WIPF2: variants seen among roughly 807,000 people sequenced by gnomAD.
WIPF2 encodes the protein WAS/WASL-interacting protein family member 2.
In WIPF2, 23 loss-of-function variants were observed where a neutral mutation model predicts 38.8. That is an observed-to-expected ratio of 0.59 (90% CI 0.43 to 0.84). The LOEUF (loss-of-function observed/expected upper bound fraction) is 0.84, where lower values mean the gene tolerates loss of function less well. WIPF2 is among the 40% of genes least tolerant of loss of function. The probability of loss-of-function intolerance (pLI) is 0.00; values close to 1 mark genes in which losing one functional copy is unlikely to be tolerated. For synonymous variants in WIPF2, 210 were observed against 223.2 expected (o/e 0.94, Z 0.53); for missense variants, 574 against 580.5 (o/e 0.99, Z 0.11).
At chr17:40,236,760 C>A (rs1199382918) in intron 1 of WIPF2, among the ~76,000 whole-genome samples, 2 of 151,956 alleles carry the variant, frequency 1.3e-5, no homozygotes, top group Non-Finnish European at 2.9e-5. Context: ...AGGCGCCCAC[C>A]ATCACGGCCG....
chr17:40,221,359 C>T (rs1460481232), intron 1 of WIPF2, among the ~76,000 whole-genome samples: 1 of 152,016 alleles, frequency 6.6e-6, no homozygotes, highest in Non-Finnish European at 1.5e-5. Context: ...TTCTCTGTCC[C>T]TGCCTCTAAA....
chr17:40,266,176 T>G (rs1457798110), intron 5 of WIPF2, among the ~76,000 whole-genome samples: 1 of 145,288 alleles, frequency 6.9e-6, no homozygotes, highest in Admixed American at 7.2e-5. Flanking sequence ...AGGCAGAGGT[T>G]GCAGTGAGCC....
At chr17:40,228,344 C>G (rs931898474) in intron 1 of WIPF2, among the ~76,000 whole-genome samples, 2 of 152,114 alleles carry the variant, frequency 1.3e-5, no homozygotes, top group African/African-American at 4.8e-5. Context: ...CTGTTACTCC[C>G]TATCAGCAAT....
At chr17:40,272,647 C>T (rs1159369634) in intron 5 of WIPF2, among the ~76,000 whole-genome samples, 1 of 152,056 alleles carries the variant, frequency 6.6e-6, no homozygotes, top group Non-Finnish European at 1.5e-5. Flanking sequence ...TGGATTGAAC[C>T]TTGAAGGGTA....
chr17:40,225,115 C>T (rs1047697616), intron 1 of WIPF2, among the ~76,000 whole-genome samples: 1 of 152,056 alleles, frequency 6.6e-6, no homozygotes, highest in East Asian at 1.9e-4. Flanking sequence ...ACTGAATGTT[C>T]TTGCGGTCCT....
At chr17:40,225,988 T>A (rs1379517251) in intron 1 of WIPF2, among the ~76,000 whole-genome samples, 2 of 152,140 alleles carry the variant, frequency 1.3e-5, no homozygotes, top group Admixed American at 1.3e-4. Context: ...GGATTCAAAT[T>A]GAGTGCCATT....
intron 1 of WIPF2, among the ~76,000 whole-genome samples, chr17:40,251,212 C>T (rs1347130321): frequency 1.3e-5 from 2 of 152,108 alleles, no homozygotes; most frequent in African/African-American, 4.8e-5. Flanking sequence ...CTGCGTCCAG[C>T]CTATTAGATT....
At chr17:40,255,952 C>T (rs1399048004) in intron 1 of WIPF2, among the ~76,000 whole-genome samples, 3 of 151,764 alleles carry the variant, frequency 2.0e-5, no homozygotes, top group Non-Finnish European at 2.9e-5. Flanking sequence ...ATTAGCTGGG[C>T]GTAATGACAT....
At chr17:40,267,970 C>T (rs2032143207) in intron 5 of WIPF2, among the ~76,000 whole-genome samples, 1 of 152,042 alleles carries the variant, frequency 6.6e-6, no homozygotes, top group Non-Finnish European at 1.5e-5. Context: ...TGGCAAAACC[C>T]TGTCTCTACA....
At chr17:40,251,070 C>T (rs74375354) in intron 1 of WIPF2, among the ~76,000 whole-genome samples, 15,854 of 151,912 alleles carry the variant, frequency 0.1, 964 homozygotes, top group East Asian at 0.3. Flanking sequence ...CCCGCCACCA[C>T]GCCCAGCTAA....
intron 1 of WIPF2, 53 bp from the exon 2 acceptor site, chr17:40,256,338 C>T: frequency 6.9e-7 from 1 of 1,441,422 alleles, no homozygotes; most frequent in Non-Finnish European, 9.3e-7. Flanking sequence ...TTCTCCTGGG[C>T]ACTTGTATCT....
At chr17:40,228,659 C>T (rs537224735) in intron 1 of WIPF2, among the ~76,000 whole-genome samples, 1 of 151,634 alleles carries the variant, frequency 6.6e-6, no homozygotes, top group African/African-American at 2.4e-5. Flanking sequence ...GACAGAGTCT[C>T]TCTCTGTCAC....
chr17:40,250,914 CTTTTTTTTTTTT>C (rs1020649049), intron 1 of WIPF2, among the ~76,000 whole-genome samples: 5 of 90,344 alleles, frequency 5.5e-5, no homozygotes, highest in Admixed American at 2.5e-4. Context: ...CTATTAGATT[CTTTTTTTTTTTT>C]TTTTTTTTTT....
At chr17:40,252,525 G>A (rs1289643799) in intron 1 of WIPF2, among the ~76,000 whole-genome samples, 1 of 152,000 alleles carries the variant, frequency 6.6e-6, no homozygotes, top group South Asian at 2.1e-4. Flanking sequence ...TTAGCTGGGT[G>A]TGGTGGCATG....
In WIPF2 at chr17:40,281,909, C is replaced by T. The variant is rs1471505720; in HGVS notation, c.*3684C>T. ...ACCCAACCTGCAATCAACTGCAAAT[C>T]AAATTCTTCACATTCCAGCTACAGT... On this transcript the variant is annotated 3_prime_UTR_variant, in exon 8 of 8. Coordinates refer to ENST00000323571, the MANE Select transcript of WIPF2 (RefSeq NM_133264.5). 6.6e-6 allele frequency: 1 copy of T among 152,414 alleles called. No individual in the cohort carries two copies. Among genetic ancestry groups the T allele is most frequent in the African/African-American group, 2.4e-5 (1 of 41,332 alleles). 9.4% of individuals were successfully genotyped at this position (152,414 alleles called of 1,614,324 possible).
In WIPF2 at chr17:40,276,213, A is replaced by T. The variant is rs1041037994; in HGVS notation, c.1181-870A>T. ...TTAGATCAGTTGTTTTCCCGTGGTG[A>T]CAGTCTGTAAGATGTTATTAAAACC... On this transcript the variant is annotated intron_variant, in intron 6 of 7. Coordinates refer to ENST00000323571, the MANE Select transcript of WIPF2 (RefSeq NM_133264.5). Among the ~76,000 whole-genome samples the T allele has an allele frequency of 8.3e-4, 126 of 152,256 alleles. 2 individuals carry two copies. The highest frequency in any genetic ancestry group is 2.9e-3 in the African/African-American group (121 of 41,540).
chr17:40,281,663 G>A lies in WIPF2; in HGVS notation c.*3438G>A, dbSNP rs1358227134. ...AAACCCAGATTTACCTCCAGGGAGA[G>A]GTGAGAAAAAAATTGTAAATAGACT... is the stretch of plus-strand genomic sequence containing the variant. On this transcript the variant is annotated 3_prime_UTR_variant, in exon 8 of 8. Transcript: ENST00000323571. The A allele has an allele frequency of 6.6e-6, 1 of 152,564 alleles. No individual in the cohort carries two copies. 9.5% of individuals were successfully genotyped at this position (152,564 alleles called of 1,614,324 possible). A position where few individuals can be genotyped will look rare whatever the true frequency, so the allele number is the denominator to read the frequency against.
At chr17:40,258,155 T>C (rs971639972) in intron 2 of WIPF2, among the ~76,000 whole-genome samples, 1 of 152,190 alleles carries the variant, frequency 6.6e-6, no homozygotes, top group Admixed American at 6.5e-5. Context: ...CCCAGCACTT[T>C]GGGAGGCCGA....
chr17:40,265,459 GAGTC>G (rs1156820502), intron 5 of WIPF2, among the ~76,000 whole-genome samples: 3 of 152,184 alleles, frequency 2.0e-5, no homozygotes, highest in Non-Finnish European at 2.9e-5. Context: ...AGTGGGGAGA[GAGTC>G]AGGACAGTCC....
Sources: allele counts gnomAD v4.1 joint callset (sites outside exome capture counted in the v4.1 genomes callset), GRCh38; gene constraint gnomAD v4.1.1; transcripts MANE v1.5; gene names NCBI Gene and HGNC (gene_info 2026-07-23, HGNC 2026-07-21).